EIF3C: variants seen among roughly 807,000 people sequenced by gnomAD.
EIF3C encodes eukaryotic translation initiation factor 3 subunit C, also known as cell migration-inducing protein 17.
In EIF3C, 2 loss-of-function variants were observed where a neutral mutation model predicts 11.1. That is an observed-to-expected ratio of 0.18 (90% CI 0.07 to 0.57). The LOEUF (loss-of-function observed/expected upper bound fraction) is 0.57, where lower values mean the gene tolerates loss of function less well. Among genes scored for constraint, EIF3C ranks in the 20% least tolerant of loss-of-function variants. The pLI, the probability that EIF3C is intolerant of heterozygous loss-of-function variation, is 0.92. For synonymous variants in EIF3C, 2 were observed against 41.5 expected (o/e 0.05, Z 3.66); for missense variants, 16 against 114.6 (o/e 0.14, Z 3.93).
chr16:28,725,952 G>A (rs1187408382), intron 13 of EIF3C, among the ~76,000 whole-genome samples: 1 of 148,820 alleles, frequency 6.7e-6, no homozygotes, highest in Non-Finnish European at 1.5e-5. Flanking sequence ...CAGGCATGGT[G>A]GCAGGTGCCT....
chr16:28,698,920 C>T (rs1239269870), intron 1 of EIF3C, among the ~76,000 whole-genome samples: 24 of 6,676 alleles, frequency 3.6e-3, no homozygotes, highest in Non-Finnish European at 4.7e-3. Flanking sequence ...GTGATGGCGG[C>T]TGGGAAGAGG....
At chr16:28,692,758 TCAA>T (rs1189294613) in intron 1 of EIF3C, among the ~76,000 whole-genome samples, 13 of 133,180 alleles carry the variant, frequency 9.8e-5, no homozygotes, top group African/African-American at 1.5e-4. Flanking sequence ...AGACTCCGTC[TCAA>T]CAACAACAAC....
intron 1 of EIF3C, among the ~76,000 whole-genome samples, chr16:28,698,203 C>T (rs1220151559): frequency 6.1e-3 from 557 of 91,674 alleles, no homozygotes; most frequent in Middle Eastern, 0.01. Flanking sequence ...TAGGGGCGGC[C>T]GGGCAGAGGC....
At chr16:28,697,800 C>T (rs1477989441) in intron 1 of EIF3C, among the ~76,000 whole-genome samples, 2 of 96,380 alleles carry the variant, frequency 2.1e-5, no homozygotes, top group African/African-American at 6.6e-5. Context: ...CCGGATGGGG[C>T]GGCTCGCCGG....
upstream of EIF3C, among the ~76,000 whole-genome samples, chr16:28,707,078 CTTTTTT>C (rs1165801182): frequency 6.1e-4 from 13 of 21,408 alleles, no homozygotes; most frequent in African/African-American, 1.3e-3. Flanking sequence ...TTTTCTTTCC[CTTTTTT>C]TTTTTTTTTT....
rs1471010768 is a variant in EIF3C, at chr16:28,700,940, G to A, written c.-30-10717G>A. 4.5e-4 allele frequency: 83 copies of A among 186,054 alleles called. 6 individuals carry two copies. The highest frequency in any genetic ancestry group is 4.5e-4 in the Non-Finnish European group (49 of 108,730). 11.5% of individuals were successfully genotyped at this position (186,054 alleles called of 1,614,324 possible). A position where few individuals can be genotyped will look rare whatever the true frequency, so the allele number is the denominator to read the frequency against. Reference sequence around the variant, plus strand: ...TTTTGAGACGGAGTCTTGCTCTGTCGCCCAGGCTGGTGTGCAATGGCATGA... The same window carrying A: ...TTTTGAGACGGAGTCTTGCTCTGTCACCCAGGCTGGTGTGCAATGGCATGA... On this transcript the variant is annotated intron_variant, in intron 1 of 20. Transcript: ENST00000566501.
chr16:28,700,930 T>C (rs2048278131), intron 1 of EIF3C: 1 of 210,878 alleles, frequency 4.7e-6, no homozygotes, highest in Non-Finnish European at 8.1e-6. Flanking sequence ...AGACGGAGTC[T>C]TGCTCTGTCG....
intron 8 of EIF3C, among the ~76,000 whole-genome samples, chr16:28,718,578 G>T (rs2048327077): frequency 1.7e-5 from 1 of 60,188 alleles, no homozygotes; most frequent in African/African-American, 1.2e-4. Flanking sequence ...GCTTTATTGA[G>T]GTGTACATGA....
chr16:28,699,473 A>G (rs2048268127), intron 1 of EIF3C, among the ~76,000 whole-genome samples: 1 of 91,936 alleles, frequency 1.1e-5, no homozygotes, highest in Non-Finnish European at 2.1e-5. Context: ...ACGGAGACGG[A>G]GACGGAGACG....
At chr16:28,698,619 A>G (rs540885290) in intron 1 of EIF3C, among the ~76,000 whole-genome samples, 1,672 of 30,366 alleles carry the variant, frequency 0.055, 20 homozygotes, top group African/African-American at 0.21. Flanking sequence ...GGGCGGAGAC[A>G]CTCCTCACTT....
chr16:28,712,053 A>C (rs1355015330), intron 2 of EIF3C: 1 of 19,178 alleles, frequency 5.2e-5, no homozygotes, highest in Non-Finnish European at 9.8e-5. Context: ...ACTGGCCTTA[A>C]GTCTACAGCC....
rs56292996 is a variant in EIF3C at position 28,728,521 on chromosome 16, G to GGTGT, written c.1818+1301_1818+1304dup. 4.7e-3 allele frequency among the ~76,000 whole-genome samples: 406 copies of GGTGT among 87,022 alleles called. 18 individuals are homozygous for GGTGT. The highest frequency in any genetic ancestry group is 0.02 in the Middle Eastern group (4 of 196). The allele number at this position is 87,022 out of a possible 152,430, so 57.1% of individuals were successfully genotyped here. On this transcript the variant is annotated intron_variant, in intron 15 of 20. Coordinates refer to ENST00000331666, the MANE Select transcript of EIF3C (RefSeq NM_003752.5). ...GGTGTGTGTGTGTGTATCTTTTAGG[G>GGTGT]GTGTGTGTGTGTGTGTGTGTGTGTG...
rs1411685734 is a variant in EIF3C at position 28,728,525 on chromosome 16, T to G, written c.1818+1280T>G. ...TGTGTGTGTGTATCTTTTAGGGGTGTGTGTGTGTGTGTGTGTGTGTGTGTT... is the reference window on the plus strand; with the variant it reads ...TGTGTGTGTGTATCTTTTAGGGGTGGGTGTGTGTGTGTGTGTGTGTGTGTT... On this transcript the variant is annotated intron_variant, in intron 15 of 20. Transcript: ENST00000331666. Among the ~76,000 whole-genome samples the G allele has an allele frequency of 3.2e-4, 38 of 120,056 alleles. 1 individual carries two copies. The highest frequency in any genetic ancestry group is 6.4e-4 in the Non-Finnish European group (34 of 53,006). The allele number at this position is 120,056 out of a possible 152,430, so 78.8% of individuals were successfully genotyped here.
chr16:28,700,640 G>T, intron 1 of EIF3C: 2 of 225,682 alleles, frequency 8.9e-6, no homozygotes, highest in Non-Finnish European at 1.6e-5. Context: ...CTCCGTGGAG[G>T]CTTCCAGCTC....
chr16:28,701,031 G>A (rs2048278724), intron 1 of EIF3C: 1 of 116,372 alleles, frequency 8.6e-6, no homozygotes, highest in Admixed American at 1.0e-4. Flanking sequence ...CTCCCGAGCA[G>A]CTGGGATTAC....
At position 28,723,295 on chromosome 16, in the gene EIF3C, G is replaced by T; in HGVS notation, c.908G>T (p.Arg303Met). The T allele has an allele frequency of 6.2e-7, 1 of 1,614,298 alleles. No individual in the cohort carries two copies. The highest frequency in any genetic ancestry group is 8.5e-7 in the Non-Finnish European group (1 of 1,180,062). The change falls in exon 9 of 21, where the codon AGG (arginine) becomes ATG (methionine). Residue 303 changes from arginine (R) to methionine (M), a missense_variant. Transcript: ENST00000331666. Reference protein sequence around the residue: ...EEDNEGGEWERVRGGVPLVKE... With the variant: ...EEDNEGGEWEMVRGGVPLVKE... The stretch of plus-strand genomic sequence containing the variant: ...GACAATGAAGGCGGGGAGTGGGAAA[G>T]GGTCCGGGGCGGAGTGCCGTTGGTT...
At chr16:28,691,999 C>G (rs2151783242) in intron 1 of EIF3C, among the ~76,000 whole-genome samples, 1 of 126,292 alleles carries the variant, frequency 7.9e-6, no homozygotes, top group South Asian at 3.0e-4. Flanking sequence ...GCATTTTTTG[C>G]AGAGACAGGG....
chr16:28,699,776 T>C (rs2048270650), intron 1 of EIF3C, among the ~76,000 whole-genome samples: 1 of 90,996 alleles, frequency 1.1e-5, no homozygotes, highest in Non-Finnish European at 2.2e-5. Flanking sequence ...ACTTCTGACC[T>C]CAAGTGATCC....
chr16:28,699,820 G>A lies in EIF3C; in HGVS notation c.-31+10992G>A, dbSNP rs1440696250. On this transcript the variant is annotated intron_variant, in intron 1 of 20. Transcript: ENST00000566501. ...CAGCCTCCCAGCGTGCTGGGATTAC[G>A]GGTGTGAGCCACCTCATCCAGCCTC... Among the ~76,000 whole-genome samples the A allele has an allele frequency of 2.1e-5, 2 of 95,902 alleles. 1 individual carries two copies. Among genetic ancestry groups the A allele is most frequent in the Non-Finnish European group, 4.2e-5 (2 of 48,048 alleles). 62.9% of individuals were successfully genotyped at this position (95,902 alleles called of 152,430 possible).
Sources: allele counts gnomAD v4.1 joint callset (sites outside exome capture counted in the v4.1 genomes callset), GRCh38; gene constraint gnomAD v4.1.1; transcripts MANE v1.5; gene names NCBI Gene and HGNC (gene_info 2026-07-23, HGNC 2026-07-21).